IARS1: variants seen among roughly 807,000 people sequenced by gnomAD.
IARS1 encodes isoleucine--tRNA ligase, cytoplasmic.
Under a neutral mutation model 168.2 loss-of-function variants are expected in IARS1, and 124 were observed. The observed-to-expected ratio is 0.74, with a 90% CI of 0.64 to 0.86. The LOEUF (loss-of-function observed/expected upper bound fraction) is 0.86, where lower values mean the gene tolerates loss of function less well. IARS1 is among the 40% of genes least tolerant of loss of function. The pLI, the probability that IARS1 is intolerant of heterozygous loss-of-function variation, is 0.00. For synonymous variants in IARS1, 532 were observed against 529.4 expected, an observed-to-expected ratio of 1.00 and a Z score of -0.07; for missense variants, 1,452 against 1,515.8, an observed-to-expected ratio of 0.96 and a Z score of 0.70.
intron 19 of IARS1, 52 bp from the exon 20 acceptor site, chr9:92,256,852 A>C: frequency 6.5e-7 from 1 of 1,549,312 alleles, no homozygotes; most frequent in Non-Finnish European, 8.8e-7. Flanking sequence ...GAAAGTTACT[A>C]TGAGGAAATA....
intron 30 of IARS1, among the ~76,000 whole-genome samples, chr9:92,238,683 T>C (rs536079827): frequency 3.9e-5 from 6 of 152,150 alleles, no homozygotes; most frequent in Non-Finnish European, 5.9e-5. Context: ...TAGAGTTCCA[T>C]TTTTTATTTT....
chr9:92,273,115 G>T (rs571510625), intron 10 of IARS1, among the ~76,000 whole-genome samples: 1 of 144,384 alleles, frequency 6.9e-6, no homozygotes, highest in Non-Finnish European at 1.5e-5. Flanking sequence ...CTGGGTGACA[G>T]AGCGAGACTC....
At chr9:92,223,752 C>G (rs372182028) in intron 31 of IARS1, among the ~76,000 whole-genome samples, 1 of 152,108 alleles carries the variant, frequency 6.6e-6, no homozygotes, top group Non-Finnish European at 1.5e-5. Flanking sequence ...TTAGTATTTT[C>G]TCTGTATAAT....
chr9:92,257,904 A>G (rs1830953284), intron 19 of IARS1, among the ~76,000 whole-genome samples: 1 of 152,200 alleles, frequency 6.6e-6, no homozygotes, highest in Non-Finnish European at 1.5e-5. Flanking sequence ...TGTTCAATGA[A>G]GGTGATGGAC....
intron 1 of IARS1, 137 bp from the exon 2 acceptor site, chr9:92,289,563 G>A (rs1835993492): frequency 1.7e-6 from 1 of 603,212 alleles, no homozygotes; most frequent in East Asian, 2.9e-5. Flanking sequence ...AATTTACATA[G>A]TGTAATGTAA....
intron 30 of IARS1, among the ~76,000 whole-genome samples, chr9:92,238,500 A>C (rs1436877908): frequency 6.6e-6 from 1 of 152,158 alleles, no homozygotes; most frequent in Non-Finnish European, 1.5e-5. Context: ...CATCTTCTGT[A>C]AAGCAGAGTA....
In IARS1 at chr9:92,280,803, G is replaced by GA; in HGVS notation, c.687dup (p.Leu230SerfsTer3). 1 of 1,611,630 alleles carries GA rather than the reference G, an allele frequency of 6.2e-7. No individual in the cohort carries two copies. The highest frequency in any genetic ancestry group is 1.7e-5 in the Admixed American group (1 of 59,986). On this transcript the variant is annotated frameshift_variant, in exon 7 of 34. Transcript: ENST00000443024. LOFTEE classifies it high-confidence loss of function. The stretch of plus-strand genomic sequence containing the variant: ...ACACACACAGCAAGGTTACTAGGTA[G>GA]AGTCCAGGGAGTGGTTGTCCAAGCA...
At position 92,237,035 on chromosome 9, in the gene IARS1, C is replaced by T. The variant is rs1039315136; in HGVS notation, c.3283+3821G>A. 2.6e-5 allele frequency among the ~76,000 whole-genome samples: 4 copies of T among 152,072 alleles called. No homozygotes were observed. The South Asian group carries it at 6.2e-4, about 24-fold the overall frequency. On this transcript the variant is annotated intron_variant, in intron 30 of 33. Coordinates refer to ENST00000443024, the MANE Select transcript of IARS1 (RefSeq NM_002161.6). ...TTTCTGTATCATTAATTTTCTCTAT[C>T]GTTTTTGTTTTCAATTGCACTGATC...
At chr9:92,240,606 T>C in intron 30 of IARS1, 1 of 690,790 alleles carries the variant, frequency 1.4e-6, no homozygotes, top group Non-Finnish European at 2.7e-6. Context: ...GTTGGCAAGG[T>C]TAGTCTTGAA....
At chr9:92,226,444 T>A (rs1825695616) in intron 31 of IARS1, among the ~76,000 whole-genome samples, 1 of 152,234 alleles carries the variant, frequency 6.6e-6, no homozygotes, top group Non-Finnish European at 1.5e-5. Context: ...GTTGGCCATT[T>A]GCATTTCTTC....
chr9:92,276,821 A>T (rs1462825541), intron 9 of IARS1, among the ~76,000 whole-genome samples: 1 of 152,170 alleles, frequency 6.6e-6, no homozygotes, highest in Non-Finnish European at 1.5e-5. Flanking sequence ...TCGGTGAGAG[A>T]GTGTGGGAGT....
chr9:92,246,012 G>A (rs1390222994), intron 26 of IARS1, among the ~76,000 whole-genome samples: 2 of 152,062 alleles, frequency 1.3e-5, no homozygotes, highest in African/African-American at 4.8e-5. Context: ...TCCTGATTTC[G>A]TGATCTGCCC....
At chr9:92,236,348 G>C (rs1432483963) in intron 30 of IARS1, among the ~76,000 whole-genome samples, 1 of 152,060 alleles carries the variant, frequency 6.6e-6, no homozygotes, top group Admixed American at 6.6e-5. Context: ...CATAAAATGA[G>C]TGAAATGTTC....
At position 92,210,643 on chromosome 9, in the gene IARS1, A is replaced by T; in HGVS notation, c.*164T>A. On this transcript the variant is annotated 3_prime_UTR_variant, in exon 34 of 34. Transcript: ENST00000443024. ...GAAGATTACTGTGAGGTCTCAAGTT[A>T]CTTGACTAATCAATCCCATTTGAAT... 1 of 567,136 alleles carries T rather than the reference A, an allele frequency of 1.8e-6. No homozygotes were observed. The highest frequency in any genetic ancestry group is 2.9e-5 in the East Asian group (1 of 34,770). The allele number at this position is 567,136 out of a possible 1,614,324, so 35.1% of individuals were successfully genotyped here. A position where few individuals can be genotyped will look rare whatever the true frequency, so the allele number is the denominator to read the frequency against.
intron 31 of IARS1, 128 bp downstream of exon 31, chr9:92,228,873 G>A: frequency 1.0e-6 from 1 of 999,188 alleles, no homozygotes; most frequent in Non-Finnish European, 1.5e-6. Context: ...CACTGCTGAA[G>A]AGTTGGGCCC....
intron 30 of IARS1, among the ~76,000 whole-genome samples, chr9:92,231,147 CTT>C (rs1826616537): frequency 6.6e-6 from 1 of 152,096 alleles, no homozygotes; most frequent in Non-Finnish European, 1.5e-5. Flanking sequence ...CTTTAAAACT[CTT>C]TGTTTAATGT....
intron 30 of IARS1, among the ~76,000 whole-genome samples, chr9:92,233,712 C>G (rs1162610698): frequency 1.3e-5 from 2 of 152,144 alleles, no homozygotes; most frequent in African/African-American, 4.8e-5. Flanking sequence ...TTTTTCATCA[C>G]TATTTTGAAG....
intron 6 of IARS1, among the ~76,000 whole-genome samples, chr9:92,283,260 T>TGA (rs977580283): frequency 2.6e-5 from 4 of 152,182 alleles, no homozygotes; most frequent in Non-Finnish European, 4.4e-5. Flanking sequence ...GTGACAAAAT[T>TGA]GAGAACACTT....
intron 6 of IARS1, among the ~76,000 whole-genome samples, chr9:92,284,350 A>C (rs1835108208): frequency 6.6e-6 from 1 of 152,234 alleles, no homozygotes; most frequent in African/African-American, 2.4e-5. Flanking sequence ...TTGGAAGGAA[A>C]GTGGGAAAGA....
Sources: allele counts gnomAD v4.1 joint callset (sites outside exome capture counted in the v4.1 genomes callset), GRCh38; gene constraint gnomAD v4.1.1; transcripts MANE v1.5; gene names NCBI Gene and HGNC (gene_info 2026-07-23, HGNC 2026-07-21).